Variants in STAT4 observed in about 807,000 individuals in gnomAD.
STAT4 encodes signal transducer and activator of transcription 4.
Under a neutral mutation model 110.5 loss-of-function variants are expected in STAT4, and 42 were observed. The observed-to-expected ratio is 0.38, with a 90% CI of 0.30 to 0.49. The LOEUF (loss-of-function observed/expected upper bound fraction) is 0.49, where lower values mean the gene tolerates loss of function less well. Among genes scored for constraint, STAT4 ranks in the 20% least tolerant of loss-of-function variants. The pLI is 0.95. For synonymous variants in STAT4, 284 were observed against 302.2 expected (o/e 0.94, Z 0.63); for missense variants, 632 against 887.9 (o/e 0.71, Z 3.66).
intron 3 of STAT4, among the ~76,000 whole-genome samples, chr2:191,079,953 G>C (rs143655663): frequency 1.3e-5 from 2 of 152,090 alleles, no homozygotes; most frequent in East Asian, 3.9e-4. Context: ...AACCATGTTT[G>C]TTAATTGTTT....
At chr2:191,057,602 C>CTTTTT (rs112604744) in intron 13 of STAT4, among the ~76,000 whole-genome samples, 5 of 98,582 alleles carry the variant, frequency 5.1e-5, no homozygotes, top group African/African-American at 1.5e-4. Flanking sequence ...TTTTCTTTTT[C>CTTTTT]TTTTTTTTTT....
chr2:191,118,917 C>A (rs996854472), intron 3 of STAT4, among the ~76,000 whole-genome samples: 6 of 152,088 alleles, frequency 3.9e-5, no homozygotes, highest in African/African-American at 1.4e-4. Context: ...TGCCACCACG[C>A]CTGGCTAAGT....
rs1365770726 is a variant in STAT4 at position 191,059,467 on chromosome 2, T to C, written c.1035-698A>G. ...TTCAGTGCAGTTTCAGAGATAGTCA[T>C]TCAATCCCTCACACATTCATTCATT... On this transcript the variant is annotated intron_variant, in intron 10 of 23. Transcript: ENST00000392320. This position sits in a 1 kb window ranked among gnomAD's most constrained non-coding sequence, Gnocchi z 4.7. Among the ~76,000 whole-genome samples the C allele has an allele frequency of 3.9e-5, 6 of 152,202 alleles. No homozygotes were observed. The highest frequency in any genetic ancestry group is 2.0e-4 in the Admixed American group (3 of 15,276).
chr2:191,130,094 G>T (rs1193083630), intron 3 of STAT4, among the ~76,000 whole-genome samples: 2 of 152,032 alleles, frequency 1.3e-5, no homozygotes, highest in Non-Finnish European at 2.9e-5. Context: ...TATAATAACT[G>T]GGAATAGAAT....
At position 191,059,376 on chromosome 2, in the gene STAT4, A is replaced by G. The variant is rs1696788212; in HGVS notation, c.1035-607T>C. 6.6e-6 allele frequency among the ~76,000 whole-genome samples: 1 copy of G among 152,180 alleles called. No homozygotes were observed. ...CTTTAATTCCTTCTGGTGTCAGCCC[A>G]TCCTTTATTCTTTTGCTTTCTCCAG... On this transcript the variant is annotated intron_variant, in intron 10 of 23. Coordinates refer to ENST00000392320, the MANE Select transcript of STAT4 (RefSeq NM_003151.4). The surrounding 1 kb of genome is among the most constrained non-coding windows in gnomAD (Gnocchi z 4.7).
rs1358892095 is a variant in STAT4 at position 191,150,465 on chromosome 2, C to T, written c.-2+482G>A. Among the ~76,000 whole-genome samples, 1 of 152,184 alleles carries T rather than the reference C, an allele frequency of 6.6e-6. No individual in the cohort carries two copies. Among genetic ancestry groups the T allele is most frequent in the Non-Finnish European group, 1.5e-5 (1 of 68,020 alleles). ...CACCGTCTGTGAGCTGGTGGTGCCGCTTTGGCTCTGTGGCCTGTAGCTTGC... is the reference window on the plus strand; with the variant it reads ...CACCGTCTGTGAGCTGGTGGTGCCGTTTTGGCTCTGTGGCCTGTAGCTTGC... On this transcript the variant is annotated intron_variant, in intron 1 of 23. Coordinates refer to ENST00000392320, the MANE Select transcript of STAT4 (RefSeq NM_003151.4). The surrounding 1 kb of genome is among the most constrained non-coding windows in gnomAD (Gnocchi z 6.4).
intron 3 of STAT4, among the ~76,000 whole-genome samples, chr2:191,087,908 T>A (rs1697678843): frequency 2.0e-5 from 3 of 151,752 alleles, no homozygotes; most frequent in South Asian, 2.1e-4. Flanking sequence ...AAAAAAAAAA[T>A]GTACCAAAAA....
intron 3 of STAT4, among the ~76,000 whole-genome samples, chr2:191,134,256 G>T (rs944066080): frequency 6.6e-6 from 1 of 152,206 alleles, no homozygotes; most frequent in Non-Finnish European, 1.5e-5. Context: ...GGGAGCAAAT[G>T]GTTGTCCCAT....
At chr2:191,076,146 A>AG in intron 4 of STAT4, 81 bp downstream of exon 4, 1 of 1,184,252 alleles carries the variant, frequency 8.4e-7, no homozygotes, top group Non-Finnish European at 1.3e-6. Context: ...GAGCCACTGT[A>AG]CCCTACCAAA....
In STAT4 at chr2:191,030,334, A is replaced by G. The variant is rs568691862; in HGVS notation, c.2221-468T>C. Reference sequence around the variant, plus strand: ...TTCTGATGTATGTTCACTTTCATGTAAATTGGGGGTTTGAACCCATTGACA... The same window carrying G: ...TTCTGATGTATGTTCACTTTCATGTGAATTGGGGGTTTGAACCCATTGACA... On this transcript the variant is annotated intron_variant, in intron 23 of 23. Transcript: ENST00000392320. The surrounding 1 kb of genome is among the most constrained non-coding windows in gnomAD (Gnocchi z 4.4). Among the ~76,000 whole-genome samples, 1 of 152,250 alleles carries G rather than the reference A, an allele frequency of 6.6e-6. No homozygotes were observed. The highest frequency in any genetic ancestry group is 2.1e-4 in the South Asian group (1 of 4,826).
rs1696515245 is a variant in STAT4, at chr2:191,051,258, A to G, written c.1251+3232T>C. 6.6e-6 allele frequency among the ~76,000 whole-genome samples: 1 copy of G among 152,222 alleles called. No individual in the cohort carries two copies. The highest frequency in any genetic ancestry group is 1.5e-5 in the Non-Finnish European group (1 of 68,038). Reference sequence around the variant, plus strand: ...GAAAGATCAGCAGTTGTCTGAAGTTAGGTATCACGTTTTAGAGCCCAGTTT... The same window carrying G: ...GAAAGATCAGCAGTTGTCTGAAGTTGGGTATCACGTTTTAGAGCCCAGTTT... On this transcript the variant is annotated intron_variant, in intron 14 of 23. Coordinates refer to ENST00000392320, the MANE Select transcript of STAT4 (RefSeq NM_003151.4). This position sits in a 1 kb window ranked among gnomAD's most constrained non-coding sequence, Gnocchi z 5.6.
chr2:191,033,548 T>C lies in STAT4; in HGVS notation c.1794A>G (p.Arg598=). The C allele has an allele frequency of 6.2e-7, 1 of 1,614,170 alleles. No homozygotes were observed. ...KDKMPGTFLL[R]FSESHLGGIT... is the part of the protein sequence containing the mutation. The stretch of plus-strand genomic sequence containing the variant: ...TTCCTCCGAGATGGCTTTCACTGAA[T>C]CTTAATAAAAAGGTGCCAGGCATTT... Residue 598 remains arginine (R), a synonymous_variant, in exon 20 of 24, where the codon AGA becomes AGG. Transcript: ENST00000392320. The surrounding 1 kb of genome is among the most constrained non-coding windows in gnomAD (Gnocchi z 6.9).
chr2:191,069,622 G>C, intron 6 of STAT4, 71 bp downstream of exon 6: 3 of 1,167,594 alleles, frequency 2.6e-6, no homozygotes, highest in Non-Finnish European at 3.8e-6. Context: ...TATCCACTCT[G>C]TCAGTGAGAA....
chr2:191,039,364 C>T lies in STAT4; in HGVS notation c.1336-67G>A. The T allele has an allele frequency of 7.0e-7, 1 of 1,430,818 alleles. No homozygotes were observed. Among genetic ancestry groups the T allele is most frequent in the South Asian group, 1.2e-5 (1 of 86,744 alleles). The allele number at this position is 1,430,818 out of a possible 1,614,324, so 88.6% of individuals were successfully genotyped here. A position where few individuals can be genotyped will look rare whatever the true frequency, so the allele number is the denominator to read the frequency against. On this transcript the variant is annotated intron_variant, in intron 15 of 23. Transcript: ENST00000392320. The surrounding 1 kb of genome is among the most constrained non-coding windows in gnomAD (Gnocchi z 4.7). ...CACCTTACATTGATCTTATGCTTGA[C>T]CCTCGCCTCTAAAGGGCCAATCTCA...
At chr2:191,089,670 A>G (rs1480449713) in intron 3 of STAT4, among the ~76,000 whole-genome samples, 1 of 152,234 alleles carries the variant, frequency 6.6e-6, no homozygotes, top group Non-Finnish European at 1.5e-5. Flanking sequence ...ATCCTCAAAT[A>G]GGTGAATAGA....
chr2:191,106,485 T>TCC (rs1698284755), intron 3 of STAT4, among the ~76,000 whole-genome samples: 1 of 151,590 alleles, frequency 6.6e-6, no homozygotes, highest in Admixed American at 6.6e-5. Flanking sequence ...TGAAATTTCG[T>TCC]CTCTACTAAA....
In STAT4 at chr2:191,083,709, C is replaced by A. The variant is rs928541253; in HGVS notation, c.274-7384G>T. The stretch of plus-strand genomic sequence containing the variant: ...CTGGTTGCCAACTAGCTCTCTCTCC[C>A]TTTGCATCACAAATACTGCTGTTGA... On this transcript the variant is annotated intron_variant, in intron 3 of 23. Coordinates refer to ENST00000392320, the MANE Select transcript of STAT4 (RefSeq NM_003151.4). The surrounding 1 kb of genome is among the most constrained non-coding windows in gnomAD (Gnocchi z 4.6). Among the ~76,000 whole-genome samples, 1 of 152,118 alleles carries A rather than the reference C, an allele frequency of 6.6e-6. No individual in the cohort carries two copies. Among genetic ancestry groups the A allele is most frequent in the African/African-American group, 2.4e-5 (1 of 41,432 alleles).
At chr2:191,069,543 A>G (rs149112175) in intron 6 of STAT4, 150 bp downstream of exon 6, 56 of 625,654 alleles carry the variant, frequency 9.0e-5, no homozygotes, top group Admixed American at 6.6e-4. Context: ...ATGCAGAGAT[A>G]AGGAAGAAGC....
At chr2:191,151,545 T>G (rs943459103), upstream of STAT4, 5 of 985,464 alleles carry the variant, frequency 5.1e-6, no homozygotes, top group Non-Finnish European at 6.0e-6. The surrounding 1 kb of genome is among the most constrained non-coding windows in gnomAD (Gnocchi z 4.7). Flanking sequence ...CCACCAGTGC[T>G]TGCCCTTCCT....
Sources: allele counts gnomAD v4.1 joint callset (sites outside exome capture counted in the v4.1 genomes callset), GRCh38; gene constraint gnomAD v4.1.1; non-coding constraint Gnocchi (gnomAD v3.1); transcripts MANE v1.5; gene names NCBI Gene and HGNC (gene_info 2026-07-23, HGNC 2026-07-21).